ASIP: variants seen among roughly 807,000 people sequenced by gnomAD.
The protein encoded by ASIP is agouti-signaling protein.
A neutral mutation model predicts 10.3 loss-of-function variants in ASIP; 11 were observed. That is an observed-to-expected ratio of 1.07 (90% CI 0.68 to 1.78). The LOEUF is 1.78. Ranked by LOEUF, ASIP falls within the 40% of genes most tolerant of loss-of-function variation. The pLI is 0.00. For synonymous variants in ASIP, 70 were observed against 70.8 expected (o/e 0.99, Z 0.06); for missense variants, 180 against 169.2 (o/e 1.06, Z -0.35).
At chr20:34,190,448 G>A (rs1399623243), upstream of ASIP, among the ~76,000 whole-genome samples, 2 of 152,082 alleles carry the variant, frequency 1.3e-5, no homozygotes, top group Admixed American at 6.5e-5. Context: ...CATTTTCCCT[G>A]GGTGATCTCA....
chr20:34,201,941 A>G (rs888806283), intron 1 of ASIP, among the ~76,000 whole-genome samples: 14 of 152,226 alleles, frequency 9.2e-5, no homozygotes, highest in African/African-American at 2.9e-4. Flanking sequence ...CAAACTTCCA[A>G]TGGAATTCAA....
upstream of ASIP, among the ~76,000 whole-genome samples, chr20:34,194,301 A>T (rs572535852): frequency 1.1e-4 from 17 of 152,298 alleles, no homozygotes; most frequent in East Asian, 3.3e-3. Context: ...TCATCTTTTC[A>T]TCTTTTAATC....
intron 1 of ASIP, among the ~76,000 whole-genome samples, chr20:34,243,880 C>T (rs1395382189): frequency 4.0e-5 from 6 of 151,706 alleles, no homozygotes; most frequent in African/African-American, 1.5e-4. Context: ...CTGGCTAACA[C>T]GATGAAACCC....
chr20:34,196,252 T>G (rs2034856280), intron 1 of ASIP, among the ~76,000 whole-genome samples: 1 of 142,356 alleles, frequency 7.0e-6, no homozygotes, highest in South Asian at 2.2e-4. Context: ...TGATCTCGGC[T>G]CACTGCAAGC....
intron 3 of ASIP, 91 bp from the exon 4 acceptor site, chr20:34,268,900 G>C: frequency 2.0e-6 from 3 of 1,485,982 alleles, no homozygotes; most frequent in South Asian, 1.2e-5. Context: ...TCTGGTCCGG[G>C]ATCTCCCTAG....
chr20:34,235,222 A>T (rs981915058), intron 1 of ASIP, among the ~76,000 whole-genome samples: 7 of 152,196 alleles, frequency 4.6e-5, no homozygotes, highest in Non-Finnish European at 8.8e-5. Flanking sequence ...TGGGCAGATC[A>T]TGAAGTCAGG....
At chr20:34,213,425 AAAG>A in intron 1 of ASIP, 1 of 850,744 alleles carries the variant, frequency 1.2e-6, no homozygotes, top group Non-Finnish European at 1.8e-6. Flanking sequence ...GAAAAATGTG[AAAG>A]TGGCTTTGGA....
rs761605725 is a variant in ASIP, at chr20:34,269,136, G to A, written c.368G>A (p.Cys123Tyr). The A allele has an allele frequency of 6.4e-7, 1 of 1,550,474 alleles. No homozygotes were observed. The highest frequency in any genetic ancestry group is 1.2e-5 in the South Asian group (1 of 84,332). Residue 123 changes from cysteine to tyrosine, a missense_variant, in exon 4 of 4, where the codon TGC becomes TAC. Physicochemically the swap from Cys to Tyr is radical, Grantham distance 194. Coordinates refer to ENST00000374954, the MANE Select transcript of ASIP (RefSeq NM_001672.3). ...CAGTGCCGCTTCTTCCGCAGCGCCT[G>A]CTCCTGCCGCGTGCTCAGCCTCAAC... is the stretch of plus-strand genomic sequence containing the variant. ...SCQCRFFRSA[C>Y]SCRVLSLNC is the part of the protein sequence containing the mutation.
the ASIP span, among the ~76,000 whole-genome samples, chr20:34,189,001 T>C: frequency 6.6e-6 from 1 of 152,182 alleles, no homozygotes; most frequent in Admixed American, 6.5e-5. Flanking sequence ...GGTAGAAATT[T>C]CTAAAAAGAC....
intron 1 of ASIP, among the ~76,000 whole-genome samples, chr20:34,204,346 G>A (rs891585828): frequency 3.3e-5 from 5 of 150,864 alleles, no homozygotes; most frequent in South Asian, 2.1e-4. Flanking sequence ...TCAGCCTTCC[G>A]AGTAGCTGGG....
chr20:34,248,365 C>A (rs1305377974), intron 1 of ASIP, among the ~76,000 whole-genome samples: 1 of 152,130 alleles, frequency 6.6e-6, no homozygotes, highest in Non-Finnish European at 1.5e-5. Context: ...AAACTAAAAC[C>A]ACTTTTAAGT....
At chr20:34,213,534 G>C in intron 1 of ASIP, 1 of 1,524,550 alleles carries the variant, frequency 6.6e-7, no homozygotes, top group African/African-American at 1.4e-5. Flanking sequence ...CTGCGGGCCA[G>C]AGTAGCACTT....
the ASIP span, among the ~76,000 whole-genome samples, chr20:34,188,664 A>C: frequency 6.6e-6 from 1 of 152,180 alleles, no homozygotes; most frequent in Non-Finnish European, 1.5e-5. Context: ...CATGCTATAA[A>C]TTTTCCAATT....
chr20:34,221,251 G>T (rs930215210), intron 1 of ASIP, among the ~76,000 whole-genome samples: 2 of 152,068 alleles, frequency 1.3e-5, no homozygotes, highest in Non-Finnish European at 2.9e-5. Context: ...GGTGGCTGGT[G>T]CCTGTAGTCC....
At chr20:34,213,961 A>G in intron 1 of ASIP, 1 of 1,576,670 alleles carries the variant, frequency 6.3e-7, no homozygotes, top group Non-Finnish European at 8.6e-7. Context: ...TGCCAGCATC[A>G]AATTTTCTAA....
chr20:34,204,549 G>C (rs994644017), intron 1 of ASIP, among the ~76,000 whole-genome samples: 5 of 151,988 alleles, frequency 3.3e-5, no homozygotes, highest in African/African-American at 1.2e-4. Context: ...TTGAATTATT[G>C]GACTGGGTAA....
chr20:34,226,709 A>T (rs1053537033), intron 1 of ASIP, among the ~76,000 whole-genome samples: 1 of 152,156 alleles, frequency 6.6e-6, no homozygotes, highest in East Asian at 1.9e-4. Context: ...CCTCAGTCTG[A>T]TAAAGCTCAT....
At chr20:34,265,548 T>G (rs1256053232) in intron 3 of ASIP, among the ~76,000 whole-genome samples, 1 of 151,964 alleles carries the variant, frequency 6.6e-6, no homozygotes, top group Non-Finnish European at 1.5e-5. Flanking sequence ...TTTTTGACTG[T>G]GTGTAAAGAG....
At chr20:34,246,733 C>T (rs977346856) in intron 1 of ASIP, among the ~76,000 whole-genome samples, 2 of 152,208 alleles carry the variant, frequency 1.3e-5, no homozygotes, top group East Asian at 3.8e-4. Context: ...GCTGGGATTA[C>T]AGGCGTGAGC....
Sources: allele counts gnomAD v4.1 joint callset (sites outside exome capture counted in the v4.1 genomes callset), GRCh38; gene constraint gnomAD v4.1.1; transcripts MANE v1.5; gene names NCBI Gene and HGNC (gene_info 2026-07-23, HGNC 2026-07-21).